The following INPP4B variants were observed in gnomAD, a reference collection of about 807,000 sequenced individuals.
INPP4B encodes the protein inositol polyphosphate 4-phosphatase type II.
INPP4B carries 55 observed loss-of-function variants against 122.5 expected under a neutral mutation model. That is an observed-to-expected ratio of 0.45 (90% CI 0.36 to 0.56). The LOEUF (loss-of-function observed/expected upper bound fraction) is 0.56. Ranked by LOEUF, INPP4B falls within the 20% of genes least tolerant of loss-of-function variation. INPP4B has a pLI of 0.00. For missense variants in INPP4B, 1,000 were observed against 1,097.7 expected (o/e 0.91, Z 1.26); for synonymous variants, 403 against 388.7 (o/e 1.04, Z -0.43).
At chr4:142,253,895 G>A (rs1734007246) in intron 11 of INPP4B, among the ~76,000 whole-genome samples, 1 of 152,170 alleles carries the variant, frequency 6.6e-6, no homozygotes, top group African/African-American at 2.4e-5. Context: ...CTCCACCTCT[G>A]GGGGCAGGGC....
chr4:142,208,063 T>A (rs909943766), intron 14 of INPP4B, among the ~76,000 whole-genome samples: 1 of 152,136 alleles, frequency 6.6e-6, no homozygotes, highest in East Asian at 1.9e-4. Flanking sequence ...TTTGGGGCTT[T>A]GGTTTCTCAA....
chr4:142,830,221 A>G lies in INPP4B; in HGVS notation c.-254+15988T>C, dbSNP rs537287323. On this transcript the variant is annotated intron_variant, in intron 1 of 25. Transcript: ENST00000262992. ...ATTTTATATTCAAAAATTAAATTTA[A>G]TAAAAGGAAAATTCAGTATCAAGAA... Among the ~76,000 whole-genome samples the G allele has an allele frequency of 5.4e-4, 82 of 152,354 alleles. No homozygotes were observed. In the South Asian group the frequency reaches 0.015, roughly 27 times the overall value.
At chr4:142,612,284 G>T (rs1397068624) in intron 2 of INPP4B, among the ~76,000 whole-genome samples, 1 of 152,174 alleles carries the variant, frequency 6.6e-6, no homozygotes, top group Non-Finnish European at 1.5e-5. Context: ...TATGCAGAAA[G>T]AAAATATTAA....
rs1031053794 is a variant in INPP4B at position 142,743,986 on chromosome 4, G to T, written c.-253-18085C>A. Among the ~76,000 whole-genome samples, 6 of 151,856 alleles carry T rather than the reference G, an allele frequency of 4.0e-5. No homozygotes were observed. In the South Asian group the frequency reaches 1.2e-3, roughly 31 times the overall value. On this transcript the variant is annotated intron_variant, in intron 1 of 25. Transcript: ENST00000262992. Reference sequence around the variant, plus strand: ...AGAAACTGACCCAGAGATGGCATGGGTCTTGCATTTAGCAGATGATGACTT... The same window carrying T: ...AGAAACTGACCCAGAGATGGCATGGTTCTTGCATTTAGCAGATGATGACTT...
intron 2 of INPP4B, among the ~76,000 whole-genome samples, chr4:142,667,476 G>T (rs1298679061): frequency 6.6e-6 from 1 of 152,114 alleles, no homozygotes; most frequent in Admixed American, 6.5e-5. Context: ...AGAGATGTTA[G>T]GAATCCAGGT....
chr4:142,084,281 G>A (rs1437750493), intron 24 of INPP4B, among the ~76,000 whole-genome samples: 3 of 151,942 alleles, frequency 2.0e-5, no homozygotes, highest in East Asian at 3.9e-4. Context: ...GTGCCACCAT[G>A]CCCGGCTAAT....
rs529507516 is a variant in INPP4B at position 142,183,713 on chromosome 4, T to TA, written c.1181+9373dup. On this transcript the variant is annotated intron_variant, in intron 15 of 25. Coordinates refer to ENST00000262992, the MANE Select transcript of INPP4B (RefSeq NM_001101669.3). ...TTCAGTGAATACTTCTGAGATAACA[T>TA]ACTGTGTCATGGTTTAAAATGTTGT... 7.2e-5 allele frequency among the ~76,000 whole-genome samples: 11 copies of TA among 152,334 alleles called. No individual in the cohort carries two copies. The East Asian group carries it at 2.1e-3, about 29-fold the overall frequency.
At chr4:142,559,500 T>G (rs1729979914) in intron 2 of INPP4B, among the ~76,000 whole-genome samples, 1 of 152,202 alleles carries the variant, frequency 6.6e-6, no homozygotes, top group Non-Finnish European at 1.5e-5. Context: ...TTACATGTAA[T>G]AGCATATAAC....
intron 2 of INPP4B, among the ~76,000 whole-genome samples, chr4:142,535,541 C>G (rs564197974): frequency 2.9e-4 from 44 of 152,060 alleles, no homozygotes; most frequent in Non-Finnish European, 5.3e-4. Context: ...AAAATAAATG[C>G]AAGAACACTA....
intron 2 of INPP4B, among the ~76,000 whole-genome samples, chr4:142,540,385 G>A (rs1828801117): frequency 1.3e-5 from 2 of 151,780 alleles, no homozygotes; most frequent in Non-Finnish European, 2.9e-5. Flanking sequence ...GCTTCATAGG[G>A]TGATACTGAA....
At chr4:142,636,766 A>G (rs1300817443) in intron 2 of INPP4B, among the ~76,000 whole-genome samples, 1 of 152,136 alleles carries the variant, frequency 6.6e-6, no homozygotes, top group Admixed American at 6.6e-5. Flanking sequence ...TAGTCCATTT[A>G]TTAGCTCCCT....
chr4:142,519,542 G>C (rs80306587), intron 2 of INPP4B, among the ~76,000 whole-genome samples: 17,876 of 152,022 alleles, frequency 0.12, 1,248 homozygotes, highest in Non-Finnish European at 0.16. Flanking sequence ...CAGTTAAGAG[G>C]GACATCTGCC....
At chr4:142,140,178 G>T (rs1015520003) in intron 18 of INPP4B, among the ~76,000 whole-genome samples, 2 of 152,234 alleles carry the variant, frequency 1.3e-5, no homozygotes, top group African/African-American at 4.8e-5. Flanking sequence ...GATCTACATG[G>T]AGGTTTACTG....
intron 21 of INPP4B, among the ~76,000 whole-genome samples, chr4:142,116,688 A>G (rs1793672534): frequency 6.6e-6 from 1 of 152,182 alleles, no homozygotes; most frequent in Non-Finnish European, 1.5e-5. Context: ...GTATAGCAAC[A>G]AATGCCCAAA....
At chr4:142,629,822 G>T (rs1368769831) in intron 2 of INPP4B, among the ~76,000 whole-genome samples, 1 of 152,076 alleles carries the variant, frequency 6.6e-6, no homozygotes, top group Non-Finnish European at 1.5e-5. Context: ...CCCTTCACCT[G>T]CATGCCTCTT....
chr4:142,086,351 C>A (rs778708491), intron 23 of INPP4B, 95 bp from the exon 24 acceptor site: 1 of 711,428 alleles, frequency 1.4e-6, no homozygotes, highest in Non-Finnish European at 2.4e-6. Context: ...TTTGCAAACA[C>A]AACTTTTCTT....
chr4:142,834,913 G>T (rs1683132639), intron 1 of INPP4B, among the ~76,000 whole-genome samples: 1 of 152,196 alleles, frequency 6.6e-6, no homozygotes, highest in Non-Finnish European at 1.5e-5. Flanking sequence ...CATGTAAACT[G>T]AAGCATGGAA....
intron 24 of INPP4B, among the ~76,000 whole-genome samples, chr4:142,085,546 T>C (rs1776324243): frequency 6.6e-6 from 1 of 152,220 alleles, no homozygotes; most frequent in Admixed American, 6.5e-5. Flanking sequence ...GGCTTTTTTT[T>C]TGTTATCTCT....
intron 2 of INPP4B, among the ~76,000 whole-genome samples, chr4:142,531,084 A>C (rs1483059978): frequency 1.3e-5 from 2 of 152,092 alleles, no homozygotes; most frequent in Non-Finnish European, 2.9e-5. Flanking sequence ...ATAATAACAA[A>C]GGAAGGAGCA....
Sources: gnomAD v4.1 joint callset for allele counts (sites outside exome capture counted in the v4.1 genomes callset) on GRCh38, gnomAD v4.1.1 for gene constraint, MANE v1.5 for transcripts, NCBI Gene and HGNC (gene_info 2026-07-23, HGNC 2026-07-21) for gene names.